PCLO: variants seen among roughly 807,000 people sequenced by gnomAD.
The protein encoded by PCLO is protein piccolo.
A neutral mutation model predicts 427.5 loss-of-function variants in PCLO; 82 were observed. That is an observed-to-expected ratio of 0.19 (90% confidence interval 0.16 to 0.23). The LOEUF is 0.23. PCLO is among the 10% of genes least tolerant of loss of function. The pLI is 1.00. For synonymous variants in PCLO, 2,357 were observed against 2,155.4 expected (o/e 1.09, Z -2.59); for missense variants, 6,239 against 6,115.9 (o/e 1.02, Z -0.67).
intron 3 of PCLO, among the ~76,000 whole-genome samples, chr7:83,105,143 G>A (rs1426155339): frequency 1.3e-5 from 2 of 152,134 alleles, no homozygotes; most frequent in Non-Finnish European, 2.9e-5. Flanking sequence ...TGATACAGAT[G>A]ACAAATGATC....
chr7:82,919,846 TAGAC>T (rs1253253423), intron 6 of PCLO, among the ~76,000 whole-genome samples: 6 of 151,996 alleles, frequency 3.9e-5, no homozygotes, highest in Admixed American at 3.9e-4. Flanking sequence ...TCAATTCACT[TAGAC>T]AGATATTTAT....
At chr7:83,149,000 T>C (rs547533564) in intron 2 of PCLO, among the ~76,000 whole-genome samples, 1 of 152,304 alleles carries the variant, frequency 6.6e-6, no homozygotes, top group African/African-American at 2.4e-5. Context: ...ATTTGTTTTC[T>C]TTTTTGCAAT....
intron 3 of PCLO, among the ~76,000 whole-genome samples, chr7:82,982,261 A>G (rs1290643910): frequency 1.3e-5 from 2 of 152,130 alleles, no homozygotes; most frequent in Non-Finnish European, 2.9e-5. Context: ...TTTATAATAA[A>G]AGTTAGCAGA....
intron 21 of PCLO, among the ~76,000 whole-genome samples, chr7:82,804,426 AACTGAACCATTATCAAAAT>A (rs1791418570): frequency 6.6e-6 from 1 of 152,226 alleles, no homozygotes; most frequent in East Asian, 1.9e-4. Context: ...TGCTTTTATA[AACTGAACCATTATCAAAAT>A]ATTATAATTG....
chr7:83,134,098 A>G (rs1268992851), intron 3 of PCLO, among the ~76,000 whole-genome samples, 152 bp downstream of exon 3: 1 of 151,592 alleles, frequency 6.6e-6, no homozygotes, highest in Non-Finnish European at 1.5e-5. Flanking sequence ...TAAGCTGGTA[A>G]TAAGTAATTG....
chr7:83,040,730 T>C (rs944514138), intron 3 of PCLO, among the ~76,000 whole-genome samples: 1 of 152,212 alleles, frequency 6.6e-6, no homozygotes. Flanking sequence ...CCATACTCTA[T>C]TACAAATGAT....
chr7:83,156,541 T>G (rs1792306326), intron 1 of PCLO, 149 bp from the exon 2 acceptor site: 1 of 470,194 alleles, frequency 2.1e-6, no homozygotes, highest in Non-Finnish European at 3.7e-6. Flanking sequence ...ATCCTTTAAG[T>G]GATCATAAAA....
chr7:82,823,646 T>A (rs1791854962), intron 19 of PCLO, among the ~76,000 whole-genome samples: 1 of 152,196 alleles, frequency 6.6e-6, no homozygotes, highest in African/African-American at 2.4e-5. Flanking sequence ...TGTATGGCAC[T>A]GTTATTTAAA....
chr7:82,759,233 G>A (rs370202636), intron 24 of PCLO, among the ~76,000 whole-genome samples: 4 of 151,750 alleles, frequency 2.6e-5, no homozygotes, highest in Admixed American at 1.3e-4. Context: ...TATCACAAGG[G>A]TCTCAAACTA....
intron 10 of PCLO, among the ~76,000 whole-genome samples, chr7:82,850,256 ACCT>A (rs1792616083): frequency 6.6e-6 from 1 of 151,916 alleles, no homozygotes; most frequent in Non-Finnish European, 1.5e-5. Context: ...TGATCCACTG[ACCT>A]CAGCCTCCCA....
chr7:82,952,325 A>C lies in PCLO; in HGVS notation c.8628T>G (p.Pro2876=), dbSNP rs1795374281. 6.2e-7 allele frequency: 1 copy of C among 1,613,970 alleles called. No homozygotes were observed. Among genetic ancestry groups the C allele is most frequent in the Non-Finnish European group, 8.5e-7 (1 of 1,179,830 alleles). The stretch of plus-strand genomic sequence containing the variant: ...CAGTCCATCCATTTGTGACACCAAC[A>C]GGAGGCACAGTGACAGGTTTTGTAA... ...LAITKPVTVP[P]VGVTNGWTDS... is the part of the protein sequence containing the mutation. Residue 2876 remains proline (P), a synonymous_variant, in exon 5 of 25, where the codon CCT becomes CCG. Transcript: ENST00000333891.
intron 3 of PCLO, among the ~76,000 whole-genome samples, chr7:83,037,911 T>G (rs1444056190): frequency 7.2e-6 from 1 of 139,798 alleles, no homozygotes; most frequent in Admixed American, 7.6e-5. Context: ...ATGTTGGTTC[T>G]CTTTACAATT....
At chr7:82,845,237 C>G (rs771465973) in intron 13 of PCLO, 34 bp downstream of exon 13, 1 of 1,435,782 alleles carries the variant, frequency 7.0e-7, no homozygotes, top group African/African-American at 1.4e-5. Context: ...AGCTAGAAAA[C>G]AAGTGGGTCA....
In PCLO at chr7:82,794,459, C is replaced by CTGTT. The variant is rs1554333552; in HGVS notation, c.15007+7058_15007+7059insAACA. Among the ~76,000 whole-genome samples the CTGTT allele has an allele frequency of 2.0e-4, 11 of 56,370 alleles. 1 individual carries two copies. The highest frequency in any genetic ancestry group is 5.4e-4 in the Admixed American group (2 of 3,688). 37.0% of individuals were successfully genotyped at this position (56,370 alleles called of 152,430 possible). A position where few individuals can be genotyped will look rare whatever the true frequency, so the allele number is the denominator to read the frequency against. ...ACATGCTAGTTCATAAATTTTTTTT[C>CTGTT]TTTTTTTTTTTTTTTTTTTTTTTTT... On this transcript the variant is annotated intron_variant, in intron 22 of 24. Coordinates refer to ENST00000333891, the MANE Select transcript of PCLO (RefSeq NM_033026.6).
At position 83,145,611 on chromosome 7, in the gene PCLO, T is replaced by C. The variant is rs968132405; in HGVS notation, c.1893+9137A>G. 2.6e-5 allele frequency among the ~76,000 whole-genome samples: 4 copies of C among 152,290 alleles called. No homozygotes were observed. In the East Asian group the frequency reaches 7.7e-4, roughly 29 times the overall value. On this transcript the variant is annotated intron_variant, in intron 2 of 24. Coordinates refer to ENST00000333891, the MANE Select transcript of PCLO (RefSeq NM_033026.6). ...TAAATTCTTAACCCCAGTTTTCTTATCTACCAATGGAGTCAATAATGATGG... is the reference window on the plus strand; with the variant it reads ...TAAATTCTTAACCCCAGTTTTCTTACCTACCAATGGAGTCAATAATGATGG...
intron 10 of PCLO, among the ~76,000 whole-genome samples, chr7:82,858,058 C>T (rs114902723): frequency 0.017 from 2,629 of 152,126 alleles, 94 homozygotes; most frequent in African/African-American, 0.06. Context: ...AACATAGATG[C>T]AAAACTTCTC....
At chr7:82,777,959 A>T (rs1790788629) in intron 22 of PCLO, among the ~76,000 whole-genome samples, 1 of 152,196 alleles carries the variant, frequency 6.6e-6, no homozygotes, top group African/African-American at 2.4e-5. Flanking sequence ...GAAACTATCA[A>T]GAGAGGAAAC....
At chr7:83,026,800 C>G in intron 3 of PCLO, among the ~76,000 whole-genome samples, 1 of 149,100 alleles carries the variant, frequency 6.7e-6, no homozygotes, top group African/African-American at 2.4e-5. Flanking sequence ...GATTAAGAAT[C>G]TCACTCAAAA....
At chr7:82,990,613 G>GT (rs1164515640) in intron 3 of PCLO, among the ~76,000 whole-genome samples, 14 of 152,196 alleles carry the variant, frequency 9.2e-5, no homozygotes, top group African/African-American at 3.4e-4. Flanking sequence ...ACAGAAATCC[G>GT]TAACTACTAC....
Sources: gnomAD v4.1 joint callset for allele counts (sites outside exome capture counted in the v4.1 genomes callset) on GRCh38, gnomAD v4.1.1 for gene constraint, MANE v1.5 for transcripts, NCBI Gene and HGNC (gene_info 2026-07-23, HGNC 2026-07-21) for gene names.